SETD3: variants seen among roughly 807,000 people sequenced by gnomAD.
The protein encoded by SETD3 is SET domain containing 3, actin N3(tau)-histidine methyltransferase.
SETD3 carries 19 observed loss-of-function variants against 63.0 expected under a neutral mutation model. The observed-to-expected ratio is 0.30, with a 90% CI of 0.21 to 0.44. The LOEUF (loss-of-function observed/expected upper bound fraction) is 0.44, where lower values mean the gene tolerates loss of function less well. Ranked by LOEUF, SETD3 falls within the 20% of genes least tolerant of loss-of-function variation. The probability of loss-of-function intolerance (pLI) is 1.00; values close to 1 mark genes in which losing one functional copy is unlikely to be tolerated. For missense variants in SETD3, 587 were observed against 728.5 expected (o/e 0.81, Z 2.24); for synonymous variants, 286 against 264.1 (o/e 1.08, Z -0.80).
At position 99,410,153 on chromosome 14, in the gene SETD3, G is replaced by C. The variant is rs375255825; in HGVS notation, c.849+2798C>G. ...GGAGGTCTATGAGTGAGTCCCGTAA[G>C]TGCCTAAGGAATGGAGGGTCTTAGG... On this transcript the variant is annotated intron_variant, in intron 8 of 12. Transcript: ENST00000331768. 1.0e-5 allele frequency: 16 copies of C among 1,578,220 alleles called. 1 individual carries two copies. In the South Asian group the frequency reaches 1.7e-4, roughly 16 times the overall value.
chr14:99,480,404 G>A lies in SETD3; in HGVS notation c.-9+324C>T, dbSNP rs550034537. Among the ~76,000 whole-genome samples, 471 of 151,926 alleles carry A rather than the reference G, an allele frequency of 3.1e-3. 3 individuals are homozygous for A. The highest frequency in any genetic ancestry group is 0.011 in the African/African-American group (453 of 41,510). ...CTGCACCTGGCACCACCTCGAGACC[G>A]GGTGGCGCGGGGCCCGGGAGCGTGG... On this transcript the variant is annotated intron_variant, in intron 1 of 12. Coordinates refer to ENST00000331768, the MANE Select transcript of SETD3 (RefSeq NM_032233.3).
chr14:99,448,888 A>T (rs184518401), intron 6 of SETD3, among the ~76,000 whole-genome samples: 1 of 152,348 alleles, frequency 6.6e-6, no homozygotes, highest in East Asian at 1.9e-4. Context: ...TTTATAAATG[A>T]TCTGCTGTGT....
intron 1 of SETD3, among the ~76,000 whole-genome samples, chr14:99,473,308 G>T (rs116673317): frequency 6.6e-6 from 1 of 152,294 alleles, no homozygotes; most frequent in East Asian, 1.9e-4. Context: ...GAGCGGAGGT[G>T]GGGTAAGGGG....
chr14:99,425,146 C>T (rs1271721075), intron 6 of SETD3, among the ~76,000 whole-genome samples: 1 of 152,314 alleles, frequency 6.6e-6, no homozygotes, highest in East Asian at 1.9e-4. Flanking sequence ...AGAAACAGGA[C>T]TATAAATAAT....
intron 10 of SETD3, 77 bp downstream of exon 10, chr14:99,405,128 C>A: frequency 2.7e-6 from 4 of 1,508,916 alleles, no homozygotes; most frequent in Non-Finnish European, 3.6e-6. Context: ...GTTTTATTAA[C>A]ACACCAATTA....
Position 99,460,725 on chromosome 14 carries a change from C to T in SETD3, c.345+467G>A, listed in dbSNP as rs139887146. ...AAAGCCCTTCTTCCTTAGTAGGTGG[C>T]TGTTTCTCTCTCCTCTCCCTATTGC... On this transcript the variant is annotated intron_variant, in intron 4 of 12. Coordinates refer to ENST00000331768, the MANE Select transcript of SETD3 (RefSeq NM_032233.3). Among the ~76,000 whole-genome samples, 469 of 152,302 alleles carry T rather than the reference C, an allele frequency of 3.1e-3. 3 individuals carry two copies. The highest frequency in any genetic ancestry group is 0.011 in the African/African-American group (451 of 41,552).
At chr14:99,411,856 A>G (rs893929631) in intron 8 of SETD3, 2 of 152,246 alleles carry the variant, frequency 1.3e-5, no homozygotes, top group Non-Finnish European at 1.5e-5. Flanking sequence ...GTAATTATAA[A>G]AATGGAACTA....
At chr14:99,413,993 C>T in intron 6 of SETD3, 59 bp from the exon 7 acceptor site, 1 of 1,476,654 alleles carries the variant, frequency 6.8e-7, no homozygotes, top group Middle Eastern at 1.7e-4. Context: ...AAACAGAAAT[C>T]AGTCAGCAGA....
Position 99,475,630 on chromosome 14 carries a change from G to A in SETD3, c.-9+5098C>T, listed in dbSNP as rs191780991. 3.2e-3 allele frequency among the ~76,000 whole-genome samples: 480 copies of A among 152,244 alleles called. 2 individuals carry two copies. The highest frequency in any genetic ancestry group is 4.9e-3 in the Non-Finnish European group (335 of 68,014). ...ATTACTACATATTTCTCAAAAGTGA[G>A]CAAAACCACTTAAGCATATTATACT... On this transcript the variant is annotated intron_variant, in intron 1 of 12. Coordinates refer to ENST00000331768, the MANE Select transcript of SETD3 (RefSeq NM_032233.3).
intron 6 of SETD3, among the ~76,000 whole-genome samples, chr14:99,440,788 C>T (rs984258863): frequency 1.3e-5 from 2 of 148,898 alleles, no homozygotes; most frequent in Non-Finnish European, 3.0e-5. Context: ...GTATATTTCA[C>T]ATCACCCCAT....
intron 6 of SETD3, among the ~76,000 whole-genome samples, chr14:99,448,282 G>T (rs1256949189): frequency 6.6e-6 from 1 of 152,166 alleles, no homozygotes; most frequent in African/African-American, 2.4e-5. Flanking sequence ...CTGCACCAGG[G>T]AGAGTCACTC....
intron 6 of SETD3, among the ~76,000 whole-genome samples, chr14:99,450,176 G>A (rs955441563): frequency 6.6e-5 from 10 of 152,344 alleles, no homozygotes; most frequent in South Asian, 2.1e-4. Flanking sequence ...GCTACTGAGC[G>A]TCTAAACCCT....
intron 6 of SETD3, among the ~76,000 whole-genome samples, chr14:99,452,077 C>T (rs931158559): frequency 2.6e-5 from 4 of 152,164 alleles, no homozygotes; most frequent in African/African-American, 7.2e-5. Flanking sequence ...CGAGTTAGAG[C>T]AGGGGCCCAG....
intron 6 of SETD3, among the ~76,000 whole-genome samples, chr14:99,457,706 T>C (rs1343041409): frequency 6.6e-6 from 1 of 152,198 alleles, no homozygotes; most frequent in East Asian, 1.9e-4. Flanking sequence ...GCTGTTCAAC[T>C]GCAAATGAAA....
intron 1 of SETD3, among the ~76,000 whole-genome samples, chr14:99,469,483 C>T (rs1378786853): frequency 6.6e-6 from 1 of 152,220 alleles, no homozygotes; most frequent in African/African-American, 2.4e-5. Flanking sequence ...GTGGCTCATG[C>T]CTATAATCCT....
At chr14:99,437,564 C>T (rs1893553379) in intron 6 of SETD3, among the ~76,000 whole-genome samples, 1 of 152,172 alleles carries the variant, frequency 6.6e-6, no homozygotes, top group African/African-American at 2.4e-5. Flanking sequence ...GTTCTTCACA[C>T]GTCAGTGGTG....
chr14:99,413,382 C>T (rs1274002769), intron 7 of SETD3: 4 of 304,442 alleles, frequency 1.3e-5, no homozygotes, highest in Non-Finnish European at 2.4e-5. Flanking sequence ...ACCCCCCAAC[C>T]CAACCCTCTT....
chr14:99,403,453 A>ACACTCTCT (rs769613118), intron 11 of SETD3, among the ~76,000 whole-genome samples: 1 of 106,120 alleles, frequency 9.4e-6, no homozygotes, highest in African/African-American at 3.7e-5. Flanking sequence ...ACACACACAC[A>ACACTCTCT]CACTCTCTCT....
chr14:99,474,879 T>TC (rs1595282776), intron 1 of SETD3, among the ~76,000 whole-genome samples: 2 of 151,966 alleles, frequency 1.3e-5, no homozygotes, highest in Non-Finnish European at 2.9e-5. Flanking sequence ...TTCGCAATTT[T>TC]TTTTTTTTGC....
Sources: gnomAD v4.1 joint callset for allele counts (sites outside exome capture counted in the v4.1 genomes callset) on GRCh38, gnomAD v4.1.1 for gene constraint, MANE v1.5 for transcripts, NCBI Gene and HGNC (gene_info 2026-07-23, HGNC 2026-07-21) for gene names.